The following TANC2 variants were observed in gnomAD, a reference collection of about 807,000 sequenced individuals.
TANC2 encodes tetratricopeptide repeat, ankyrin repeat and coiled-coil containing 2.
Under a neutral mutation model 210.5 loss-of-function variants are expected in TANC2, and 26 were observed. The ratio of observed to expected loss-of-function variants is 0.12; its 90% CI spans 0.09 to 0.17. The LOEUF (loss-of-function observed/expected upper bound fraction) is 0.17, where lower values mean the gene tolerates loss of function less well. TANC2 is among the 10% of genes least tolerant of loss of function. The pLI, the probability that TANC2 is intolerant of heterozygous loss-of-function variation, is 1.00. For synonymous variants in TANC2, 931 were observed against 967.1 expected (o/e 0.96, Z 0.69); for missense variants, 2,129 against 2,608.9 (o/e 0.82, Z 4.01).
rs569805507 is a variant in TANC2, at chr17:63,261,705, C to T, written c.1034-6043C>T. On this transcript the variant is annotated intron_variant, in intron 8 of 27. Coordinates refer to ENST00000689528, the Ensembl canonical transcript of TANC2. ...AAGGGGCAAATTATTTCTCCAGTAA[C>T]CTTAACAATTAACAAAGTCCACCTT... Among the ~76,000 whole-genome samples the T allele has an allele frequency of 2.0e-5, 3 of 152,296 alleles. No individual in the cohort carries two copies. In the South Asian group the frequency reaches 6.2e-4, roughly 32 times the overall value.
intron 13 of TANC2, 53 bp downstream of exon 13, chr17:63,351,469 A>G: frequency 6.9e-7 from 1 of 1,451,580 alleles, no homozygotes; most frequent in Non-Finnish European, 9.1e-7. Context: ...GAAAGAGCTT[A>G]GACTGAAAAA....
chr17:63,033,309 C>G (rs1190312803), intron 2 of TANC2, among the ~76,000 whole-genome samples: 1 of 152,102 alleles, frequency 6.6e-6, no homozygotes, highest in Non-Finnish European at 1.5e-5. Context: ...GAAAGTTTCC[C>G]CTGATTTGAT....
chr17:63,254,584 C>T (rs1218399973), intron 8 of TANC2, among the ~76,000 whole-genome samples: 4 of 152,006 alleles, frequency 2.6e-5, no homozygotes, highest in Non-Finnish European at 4.4e-5. Flanking sequence ...TAGTTTTTCC[C>T]CATTCAGTAT....
At chr17:63,240,494 C>T (rs1259329598) in intron 8 of TANC2, among the ~76,000 whole-genome samples, 27 of 152,122 alleles carry the variant, frequency 1.8e-4, no homozygotes, top group Non-Finnish European at 7.4e-5. Flanking sequence ...TGTTTAAAAG[C>T]GACTCAGCTC....
chr17:63,406,328 T>C, intron 21 of TANC2, 51 bp downstream of exon 21: 17 of 1,600,564 alleles, frequency 1.1e-5, no homozygotes, highest in Non-Finnish European at 1.5e-5. Context: ...AATTACCTGG[T>C]GAACTCATGA....
In TANC2 at chr17:63,420,176, G is replaced by A; in HGVS notation, c.4446G>A (p.Glu1482=). 5 of 1,577,410 alleles carry A rather than the reference G, an allele frequency of 3.2e-6. No individual in the cohort carries two copies. Among genetic ancestry groups the A allele is most frequent in the Non-Finnish European group, 4.3e-6 (5 of 1,160,786 alleles). ...AGTTGCCGGAAGAAGCAGAACCTGA[G>A]CCACAGCATGAAGACATATACTCTG... The change falls in exon 28 of 28, where the codon GAG becomes GAA. Residue 1482 remains glutamate (E), a synonymous_variant. Transcript: ENST00000689528. The surrounding 1 kb of genome is among the most constrained non-coding windows in gnomAD (Gnocchi z 4.2).
At chr17:63,025,801 TAAAA>T (rs1568327130) in intron 2 of TANC2, among the ~76,000 whole-genome samples, 28 of 109,888 alleles carry the variant, frequency 2.5e-4, no homozygotes, top group African/African-American at 1.1e-3. Flanking sequence ...ATCTCAAAAA[TAAAA>T]TAAAATAAAA....
chr17:63,114,549 C>A (rs576009738), intron 4 of TANC2, among the ~76,000 whole-genome samples: 1 of 152,134 alleles, frequency 6.6e-6, no homozygotes, highest in Non-Finnish European at 1.5e-5. Context: ...AGACACAACC[C>A]CGCGTAGAAA....
chr17:63,163,890 A>G (rs1481015860), intron 5 of TANC2, among the ~76,000 whole-genome samples: 2 of 152,186 alleles, frequency 1.3e-5, no homozygotes, highest in African/African-American at 4.8e-5. Flanking sequence ...TCTATAATGT[A>G]TGTAATACAT....
intron 12 of TANC2, among the ~76,000 whole-genome samples, chr17:63,347,517 T>C (rs1259171378): frequency 6.6e-6 from 1 of 152,226 alleles, no homozygotes; most frequent in Non-Finnish European, 1.5e-5. Context: ...ATAGAATTAT[T>C]TTTTAAAGGT....
intron 27 of TANC2, among the ~76,000 whole-genome samples, chr17:63,419,360 C>CT (rs1426845407): frequency 6.6e-6 from 1 of 152,192 alleles, no homozygotes. Flanking sequence ...GGGAATGTCT[C>CT]TGACAGTTCA....
rs528059244 is a variant in TANC2 at position 63,142,351 on chromosome 17, G to T, written c.323-8919G>T. 2.1e-4 allele frequency among the ~76,000 whole-genome samples: 32 copies of T among 152,044 alleles called. No homozygotes were observed. In the South Asian group the frequency reaches 6.6e-3, roughly 32 times the overall value. On this transcript the variant is annotated intron_variant, in intron 4 of 27. Coordinates refer to ENST00000689528, the Ensembl canonical transcript of TANC2. The stretch of plus-strand genomic sequence containing the variant: ...ATAATTTGTGTCTTTCTGTGAATTT[G>T]CCCATTTCATCTAAGTTATCAAATT...
intron 26 of TANC2, among the ~76,000 whole-genome samples, chr17:63,416,877 C>T (rs2048878736): frequency 1.3e-5 from 2 of 152,212 alleles, no homozygotes; most frequent in Non-Finnish European, 2.9e-5. Flanking sequence ...TTTTCATGCT[C>T]TTGGGGTCTC....
At chr17:63,021,112 C>T (rs1398064713) in intron 2 of TANC2, among the ~76,000 whole-genome samples, 1 of 152,134 alleles carries the variant, frequency 6.6e-6, no homozygotes, top group African/African-American at 2.4e-5. Flanking sequence ...ATATCCAAAC[C>T]ATGTCACTGG....
chr17:63,101,796 A>G (rs1052299037), intron 4 of TANC2, among the ~76,000 whole-genome samples: 1 of 152,194 alleles, frequency 6.6e-6, no homozygotes, highest in Non-Finnish European at 1.5e-5. Flanking sequence ...CTTCTATGGA[A>G]TGACTGGGGA....
intron 5 of TANC2, among the ~76,000 whole-genome samples, chr17:63,158,891 T>C (rs1441188416): frequency 1.3e-5 from 2 of 152,232 alleles, no homozygotes; most frequent in African/African-American, 4.8e-5. Context: ...CTTTTGTGTT[T>C]ATACACATAG....
At position 63,145,505 on chromosome 17, in the gene TANC2, TTTTC is replaced by T. The variant is rs1445389515; in HGVS notation, c.323-5759_323-5756del. On this transcript the variant is annotated intron_variant, in intron 4 of 27. Coordinates refer to ENST00000689528, the Ensembl canonical transcript of TANC2. ...TCTTTACAATTCTATAGTTCAAATC[TTTTC>T]TTTCTATGTTGCTTCAAAGAGTTTT... Among the ~76,000 whole-genome samples, 4 of 152,184 alleles carry T rather than the reference TTTTC, an allele frequency of 2.6e-5. No homozygotes were observed. The East Asian group carries it at 7.7e-4, about 29-fold the overall frequency.
intron 19 of TANC2, among the ~76,000 whole-genome samples, chr17:63,402,863 C>G (rs1327287709): frequency 6.6e-6 from 1 of 152,184 alleles, no homozygotes; most frequent in East Asian, 1.9e-4. Flanking sequence ...TTCGATAAAT[C>G]TCATATAAAA....
chr17:63,022,605 T>C (rs1269181406), intron 2 of TANC2, among the ~76,000 whole-genome samples: 2 of 152,142 alleles, frequency 1.3e-5, no homozygotes, highest in East Asian at 3.8e-4. Context: ...CTAAAGAGAT[T>C]AGCATGAATA....
Sources: gnomAD v4.1 joint callset for allele counts (sites outside exome capture counted in the v4.1 genomes callset) on GRCh38, gnomAD v4.1.1 for gene constraint, Gnocchi (gnomAD v3.1) non-coding constraint, MANE v1.5 for transcripts, NCBI Gene and HGNC (gene_info 2026-07-23, HGNC 2026-07-21) for gene names.